CACNA1I: variants seen among roughly 807,000 people sequenced by gnomAD.
The protein encoded by CACNA1I is voltage-dependent T-type calcium channel subunit alpha-1I.
A neutral mutation model predicts 201.6 loss-of-function variants in CACNA1I; 74 were observed. The ratio of observed to expected loss-of-function variants is 0.37; its 90% CI spans 0.30 to 0.45. The LOEUF is 0.45. Ranked by LOEUF, CACNA1I falls within the 20% of genes least tolerant of loss-of-function variation. The pLI, the probability that CACNA1I is intolerant of heterozygous loss-of-function variation, is 1.00. For missense variants in CACNA1I, 2,346 were observed against 3,138.1 expected, an observed-to-expected ratio of 0.75 and a Z score of 6.03; for synonymous variants, 1,431 against 1,345.2, an observed-to-expected ratio of 1.06 and a Z score of -1.40.
intron 32 of CACNA1I, 66 bp from the exon 33 acceptor site, chr22:39,679,656 C>T: frequency 2.1e-6 from 3 of 1,452,434 alleles, no homozygotes; most frequent in Non-Finnish European, 2.8e-6. Flanking sequence ...TGTGTCCTGC[C>T]CACCCCACAG....
intron 3 of CACNA1I, among the ~76,000 whole-genome samples, chr22:39,608,046 C>G (rs1298378630): frequency 7.1e-6 from 1 of 140,544 alleles, no homozygotes; most frequent in Admixed American, 7.9e-5. Flanking sequence ...ACCCAGGAGG[C>G]GGAGGTTGCC....
chr22:39,678,993 C>T lies in CACNA1I; in HGVS notation c.5056-114C>T, dbSNP rs563357611. ...GGGGCAGGGCAGCCCGGGGCCATCT[C>T]GGGGGTTGAATCTCGGTCTTGCTGC... On this transcript the variant is annotated intron_variant, in intron 31 of 36. Coordinates refer to ENST00000402142, the MANE Select transcript of CACNA1I (RefSeq NM_021096.4). The T allele has an allele frequency of 5.1e-5, 40 of 783,954 alleles. No homozygotes were observed. In the East Asian group the frequency reaches 8.4e-4, roughly 16 times the overall value. 48.6% of individuals were successfully genotyped at this position (783,954 alleles called of 1,614,324 possible).
intron 3 of CACNA1I, among the ~76,000 whole-genome samples, chr22:39,612,449 A>G (rs915956208): frequency 6.6e-6 from 1 of 152,160 alleles, no homozygotes; most frequent in Non-Finnish European, 1.5e-5. Flanking sequence ...AACAACAGAA[A>G]TCTAGTTCTC....
rs367863379 is a variant in CACNA1I at position 39,644,975 on chromosome 22, G to A, written c.1150-1594G>A. Among the ~76,000 whole-genome samples, 32 of 146,086 alleles carry A rather than the reference G, an allele frequency of 2.2e-4. 1 individual carries two copies. The highest frequency in any genetic ancestry group is 7.5e-4 in the Admixed American group (11 of 14,756). The stretch of plus-strand genomic sequence containing the variant: ...AGCACTGGGATTACAGGCATGAGCC[G>A]CAGCCCCCGGCCCCCAGTGCTTTTT... On this transcript the variant is annotated intron_variant, in intron 7 of 36. Coordinates refer to ENST00000402142, the MANE Select transcript of CACNA1I (RefSeq NM_021096.4).
chr22:39,630,989 T>G (rs1024763551), intron 4 of CACNA1I, among the ~76,000 whole-genome samples: 6 of 144,656 alleles, frequency 4.1e-5, no homozygotes, highest in Admixed American at 1.4e-4. Context: ...TGGAGGGAGG[T>G]GGGGCCAGAC....
chr22:39,640,240 T>G (rs940419040), intron 5 of CACNA1I, among the ~76,000 whole-genome samples: 2 of 151,968 alleles, frequency 1.3e-5, no homozygotes, highest in East Asian at 3.9e-4. Context: ...AAAACAAAAA[T>G]TAGCTAGGTA....
intron 1 of CACNA1I, among the ~76,000 whole-genome samples, chr22:39,596,508 G>A (rs1165360150): frequency 2.4e-5 from 3 of 125,258 alleles, no homozygotes; most frequent in Non-Finnish European, 5.1e-5. Context: ...GGGGGGCAGG[G>A]TGGAGAGAGA....
Position 39,684,171 on chromosome 22 carries a change from A to C in CACNA1I, c.5831-131A>C, listed in dbSNP as rs1935785412. ...GCTTAGAGAGGGGGGACTTGTCCACAGTCTCACAGTCAGTTTATTAGGTGG... is the reference window on the plus strand; with the variant it reads ...GCTTAGAGAGGGGGGACTTGTCCACCGTCTCACAGTCAGTTTATTAGGTGG... On this transcript the variant is annotated intron_variant, in intron 35 of 36. Transcript: ENST00000402142. The surrounding 1 kb of genome is among the most constrained non-coding windows in gnomAD (Gnocchi z 4.6). The C allele has an allele frequency of 8.6e-6, 6 of 693,678 alleles. No homozygotes were observed. In the Admixed American group the frequency reaches 1.0e-4, roughly 12 times the overall value. 43.0% of individuals were successfully genotyped at this position (693,678 alleles called of 1,614,324 possible).
rs371734640 is a variant in CACNA1I, at chr22:39,627,487, C to T, written c.581-7078C>T. ...GGATGGCACTGTGGTTAGTGCACAG[C>T]GGGTGCCAACCCTCACGCCCCAGGC... On this transcript the variant is annotated intron_variant, in intron 4 of 36. Transcript: ENST00000402142. Among the ~76,000 whole-genome samples, 63 of 152,332 alleles carry T rather than the reference C, an allele frequency of 4.1e-4. No homozygotes were observed. The East Asian group carries it at 0.011, about 27-fold the overall frequency.
chr22:39,637,676 A>C (rs1934254635), intron 5 of CACNA1I, among the ~76,000 whole-genome samples: 1 of 152,250 alleles, frequency 6.6e-6, no homozygotes. Flanking sequence ...GAATACTCAC[A>C]GACATGAAAA....
At chr22:39,611,673 A>C (rs1215725709) in intron 3 of CACNA1I, among the ~76,000 whole-genome samples, 1 of 152,200 alleles carries the variant, frequency 6.6e-6, no homozygotes, top group Non-Finnish European at 1.5e-5. Flanking sequence ...TCTGAAGCTC[A>C]GATTTAACTG....
At chr22:39,674,131 C>A in intron 29 of CACNA1I, 98 bp downstream of exon 29, 1 of 1,169,088 alleles carries the variant, frequency 8.6e-7, no homozygotes. Context: ...CTCACATCTG[C>A]CAGAGCCAGG....
At chr22:39,577,124 G>T (rs538074434) in intron 1 of CACNA1I, among the ~76,000 whole-genome samples, 38 of 152,200 alleles carry the variant, frequency 2.5e-4, no homozygotes, top group African/African-American at 8.9e-4. Context: ...GCTAATTTTT[G>T]TGTTTTTAGT....
At chr22:39,622,934 C>T (rs375662873) in intron 4 of CACNA1I, among the ~76,000 whole-genome samples, 5 of 152,200 alleles carry the variant, frequency 3.3e-5, no homozygotes, top group Non-Finnish European at 7.3e-5. Context: ...CTCCAGGCCA[C>T]GGAGCCCACA....
rs1481324601 is a variant in CACNA1I, at chr22:39,641,127, A to G, written c.1001A>G (p.His334Arg). The change falls in exon 6 of 37, where the codon CAC becomes CGC. Residue 334 changes from histidine (H) to arginine (R), a missense_variant. This residue lies in a region of CACNA1I where 227 missense variants were observed against 412.5 expected (regional missense o/e 0.55). Transcript: ENST00000402142. The stretch of plus-strand genomic sequence containing the variant: ...TGCCGCACGGGCAGCGCCAACCCCC[A>G]CAAGGGTGCCATCAACTTTGACAAC... ...NVCRTGSANP[H>R]KGAINFDNIG... 2 of 1,614,004 alleles carry G rather than the reference A, an allele frequency of 1.2e-6. No homozygotes were observed. The highest frequency in any genetic ancestry group is 8.5e-7 in the Non-Finnish European group (1 of 1,179,876).
intron 3 of CACNA1I, among the ~76,000 whole-genome samples, chr22:39,604,514 G>A (rs995944119): frequency 6.6e-6 from 1 of 152,154 alleles, no homozygotes; most frequent in Admixed American, 6.5e-5. Context: ...TGAACAAGGG[G>A]CCCTGCATCT....
At chr22:39,669,706 G>A (rs1439499838) in intron 24 of CACNA1I, among the ~76,000 whole-genome samples, 1 of 152,118 alleles carries the variant, frequency 6.6e-6, no homozygotes, top group Non-Finnish European at 1.5e-5. Context: ...GTGGTGGATG[G>A]ATGGGTGGGT....
At chr22:39,650,593 T>C (rs1440009264) in intron 10 of CACNA1I, among the ~76,000 whole-genome samples, 1 of 152,224 alleles carries the variant, frequency 6.6e-6, no homozygotes, top group East Asian at 1.9e-4. Flanking sequence ...TGCATGACCC[T>C]CAAGGCCCCT....
chr22:39,599,323 A>C (rs1473513917), intron 2 of CACNA1I, among the ~76,000 whole-genome samples: 1 of 149,004 alleles, frequency 6.7e-6, no homozygotes, highest in Non-Finnish European at 1.5e-5. Flanking sequence ...GCACTTGGTA[A>C]AAATCCAGAC....
Sources: gnomAD v4.1 joint callset for allele counts (sites outside exome capture counted in the v4.1 genomes callset) on GRCh38, gnomAD v4.1.1 for gene constraint, gnomAD v4.1.1 regional missense constraint, Gnocchi (gnomAD v3.1) non-coding constraint, MANE v1.5 for transcripts, NCBI Gene and HGNC (gene_info 2026-07-23, HGNC 2026-07-21) for gene names.